The following MACROH2A2 variants were observed in gnomAD, a reference collection of about 807,000 sequenced individuals.
The protein encoded by MACROH2A2 is core histone macro-H2A.2.
MACROH2A2 carries 6 observed loss-of-function variants against 37.6 expected under a neutral mutation model. The ratio of observed to expected loss-of-function variants is 0.16; its 90% confidence interval spans 0.09 to 0.32. The LOEUF (loss-of-function observed/expected upper bound fraction) is 0.32, where lower values mean the gene tolerates loss of function less well. Ranked by LOEUF, MACROH2A2 falls within the 10% of genes least tolerant of loss-of-function variation. The pLI is 1.00. For missense variants in MACROH2A2, 290 were observed against 485.9 expected (o/e 0.60, Z 3.79); for synonymous variants, 192 against 202.7 (o/e 0.95, Z 0.45).
At chr10:70,098,521 CTT>C (rs1365059669) in intron 6 of MACROH2A2, 1 of 152,206 alleles carries the variant, frequency 6.6e-6, no homozygotes, top group Admixed American at 6.5e-5. Flanking sequence ...TCCTTCATCT[CTT>C]TCTTATTTCT....
At chr10:70,097,553 A>T (rs1476015903) in intron 6 of MACROH2A2, among the ~76,000 whole-genome samples, 1 of 152,208 alleles carries the variant, frequency 6.6e-6, no homozygotes, top group Admixed American at 6.5e-5. Flanking sequence ...ATACACAAAA[A>T]ATAACAGAAA....
chr10:70,055,318 A>C (rs1350261215), intron 1 of MACROH2A2, among the ~76,000 whole-genome samples: 1 of 152,266 alleles, frequency 6.6e-6, no homozygotes, highest in Non-Finnish European at 1.5e-5. Context: ...CAGTCTTGGT[A>C]AATGGAAAGT....
intron 2 of MACROH2A2, among the ~76,000 whole-genome samples, chr10:70,079,095 C>G (rs574994625): frequency 6.6e-6 from 1 of 152,266 alleles, no homozygotes; most frequent in Admixed American, 6.5e-5. Flanking sequence ...ACAATAAGAT[C>G]AGGTGCTGTC....
rs56247035 is a variant in MACROH2A2, at chr10:70,079,565, GCACACACACACACACACA to G, written c.172+3759_172+3776del. Among the ~76,000 whole-genome samples, 15 of 126,264 alleles carry G rather than the reference GCACACACACACACACACA, an allele frequency of 1.2e-4. No homozygotes were observed. In the East Asian group the frequency reaches 2.7e-3, roughly 23 times the overall value. 82.8% of individuals were successfully genotyped at this position (126,264 alleles called of 152,430 possible). ...ACGTTGAGGGTTCGCGCGCGCGCGC[GCACACACACACACACACA>G]CACACACACACACACACACACACGG... On this transcript the variant is annotated intron_variant, in intron 2 of 8. Transcript: ENST00000373255.
intron 8 of MACROH2A2, among the ~76,000 whole-genome samples, 173 bp downstream of exon 8, chr10:70,109,380 G>A (rs1237478896): frequency 2.0e-5 from 3 of 152,216 alleles, no homozygotes; most frequent in Middle Eastern, 3.2e-3. Flanking sequence ...ATGGGGAAGC[G>A]AGCCCACTGG....
intron 1 of MACROH2A2, among the ~76,000 whole-genome samples, chr10:70,073,584 A>G (rs1446231089): frequency 3.3e-5 from 5 of 152,210 alleles, no homozygotes; most frequent in Non-Finnish European, 7.3e-5. Context: ...GAGCATTTTA[A>G]ATAATGTATA....
At chr10:70,073,523 G>A (rs1489701207) in intron 1 of MACROH2A2, among the ~76,000 whole-genome samples, 2 of 152,098 alleles carry the variant, frequency 1.3e-5, no homozygotes, top group Non-Finnish European at 2.9e-5. Context: ...TACATCCTTT[G>A]GTGGCAAAAC....
At chr10:70,071,852 C>T (rs550376569) in intron 1 of MACROH2A2, among the ~76,000 whole-genome samples, 3 of 152,304 alleles carry the variant, frequency 2.0e-5, no homozygotes, top group African/African-American at 7.2e-5. Flanking sequence ...GTGAATAGAG[C>T]TTGCAGGACT....
At position 70,075,335 on chromosome 10, in the gene MACROH2A2, T is replaced by A. The variant is rs1407600459; in HGVS notation, c.-59-265T>A. 6.6e-6 allele frequency among the ~76,000 whole-genome samples: 1 copy of A among 152,230 alleles called. No homozygotes were observed. The highest frequency in any genetic ancestry group is 2.4e-5 in the African/African-American group (1 of 41,464). ...TTCAGCTGACCACAGGACCGAGACC[T>A]CCCTATTCAGTGACAGTTTTCTGTG... On this transcript the variant is annotated intron_variant, in intron 1 of 8. Coordinates refer to ENST00000373255, the MANE Select transcript of MACROH2A2 (RefSeq NM_018649.3). The surrounding 1 kb of genome is among the most constrained non-coding windows in gnomAD (Gnocchi z 5.0).
chr10:70,080,104 A>AC (rs2072166543), intron 2 of MACROH2A2, among the ~76,000 whole-genome samples: 2 of 151,782 alleles, frequency 1.3e-5, no homozygotes, highest in African/African-American at 4.8e-5. Flanking sequence ...ACATGGAGAA[A>AC]CCCCATCTCT....
In MACROH2A2 at chr10:70,089,880, G is replaced by A. The variant is rs551253576; in HGVS notation, c.173-180G>A. On this transcript the variant is annotated intron_variant, in intron 2 of 8. Transcript: ENST00000373255. ...TGGGCTCAAGCGATCCTCCTGCCTC[G>A]GCCTCCTGAGTAGCTGGGACTAACT... 2.0e-5 allele frequency among the ~76,000 whole-genome samples: 3 copies of A among 151,890 alleles called. No homozygotes were observed. In the East Asian group the frequency reaches 5.8e-4, roughly 30 times the overall value.
chr10:70,108,761 C>T (rs1020258454), intron 7 of MACROH2A2, among the ~76,000 whole-genome samples: 1 of 152,160 alleles, frequency 6.6e-6, no homozygotes, highest in Non-Finnish European at 1.5e-5. Flanking sequence ...AGGAGGTAGC[C>T]CAACCCAGGG....
chr10:70,094,138 C>G (rs1589838457), intron 5 of MACROH2A2, among the ~76,000 whole-genome samples: 3 of 151,146 alleles, frequency 2.0e-5, no homozygotes, highest in Non-Finnish European at 2.9e-5. Context: ...ATTCCCCACA[C>G]CCCAGTTATT....
At chr10:70,083,779 T>G (rs903888973) in intron 2 of MACROH2A2, among the ~76,000 whole-genome samples, 1 of 148,148 alleles carries the variant, frequency 6.8e-6, no homozygotes, top group Admixed American at 6.9e-5. Flanking sequence ...CAGCTGCTCA[T>G]CTAGAATGCC....
chr10:70,064,855 A>G (rs933359202), intron 1 of MACROH2A2, among the ~76,000 whole-genome samples: 6 of 151,420 alleles, frequency 4.0e-5, no homozygotes, highest in Non-Finnish European at 8.8e-5. Flanking sequence ...AAATGAACTA[A>G]TACAACTAGT....
intron 2 of MACROH2A2, among the ~76,000 whole-genome samples, chr10:70,082,537 A>G (rs1432287630): frequency 6.6e-6 from 1 of 152,230 alleles, no homozygotes; most frequent in Non-Finnish European, 1.5e-5. Context: ...GAAGCAACCA[A>G]GTGTCGATCA....
intron 1 of MACROH2A2, among the ~76,000 whole-genome samples, chr10:70,068,381 A>G (rs998746898): frequency 8.9e-4 from 136 of 152,356 alleles, no homozygotes; most frequent in African/African-American, 3.1e-3. Context: ...CAACTTAATA[A>G]GTATTCATGT....
At chr10:70,071,455 G>C (rs1356656175) in intron 1 of MACROH2A2, among the ~76,000 whole-genome samples, 2 of 152,154 alleles carry the variant, frequency 1.3e-5, no homozygotes, top group Non-Finnish European at 2.9e-5. Flanking sequence ...TTTAAGAGCA[G>C]AACAACTGTA....
At chr10:70,089,684 C>T (rs954781607) in intron 2 of MACROH2A2, among the ~76,000 whole-genome samples, 5 of 152,124 alleles carry the variant, frequency 3.3e-5, no homozygotes, top group Non-Finnish European at 5.9e-5. Context: ...GCCACAGGAT[C>T]GGATAACATC....
Sources: allele counts gnomAD v4.1 joint callset (sites outside exome capture counted in the v4.1 genomes callset), GRCh38; gene constraint gnomAD v4.1.1; non-coding constraint Gnocchi (gnomAD v3.1); transcripts MANE v1.5; gene names NCBI Gene and HGNC (gene_info 2026-07-23, HGNC 2026-07-21).